The following CCR5AS variants were observed in gnomAD, a reference collection of about 807,000 sequenced individuals.
CCR5AS encodes CCR5 antisense RNA.
chr3:46,373,554 C>T, intron 2 of CCR5AS: 1 of 1,613,052 alleles, frequency 6.2e-7, no homozygotes, highest in Non-Finnish European at 8.5e-7. Context: ...CTCGGGAATC[C>T]TAAAAACTCT....
chr3:46,387,833 G>A (rs1363942784), intron 2 of CCR5AS, among the ~76,000 whole-genome samples: 1 of 152,148 alleles, frequency 6.6e-6, no homozygotes, highest in Admixed American at 6.5e-5. Context: ...ATTTGTGTAG[G>A]TAGTGGAAAA....
At chr3:46,368,274 G>A (rs1194029746) in intron 3 of CCR5AS, among the ~76,000 whole-genome samples, 1 of 152,192 alleles carries the variant, frequency 6.6e-6, no homozygotes, top group Admixed American at 6.5e-5. Context: ...TTCCTATGGG[G>A]TGTCCGAATG....
intron 3 of CCR5AS, among the ~76,000 whole-genome samples, chr3:46,366,758 A>C (rs531468632): frequency 6.6e-6 from 1 of 152,354 alleles, no homozygotes; most frequent in East Asian, 1.9e-4. Flanking sequence ...GGGTGTCATA[A>C]GACTCAAGTG....
intron 2 of CCR5AS, among the ~76,000 whole-genome samples, chr3:46,390,816 G>T (rs550361808): frequency 1.2e-4 from 19 of 152,306 alleles, no homozygotes; most frequent in Admixed American, 4.6e-4. Context: ...GCACCAGAGT[G>T]GGGGAGTTTT....
At chr3:46,401,161 A>AT (rs1201036904) in intron 1 of CCR5AS, among the ~76,000 whole-genome samples, 1 of 152,230 alleles carries the variant, frequency 6.6e-6, no homozygotes, top group Non-Finnish European at 1.5e-5. Context: ...TTGGCCAAAC[A>AT]TGACAGAATG....
chr3:46,389,450 A>T (rs1036286324), intron 2 of CCR5AS, among the ~76,000 whole-genome samples: 2 of 152,228 alleles, frequency 1.3e-5, no homozygotes, highest in African/African-American at 4.8e-5. Context: ...AGGTATCTTC[A>T]CATGGCTGGG....
chr3:46,368,303 G>A (rs547916512), intron 3 of CCR5AS, among the ~76,000 whole-genome samples: 1 of 152,214 alleles, frequency 6.6e-6, no homozygotes, highest in African/African-American at 2.4e-5. Context: ...AATAAAAAGA[G>A]AACAAGAGCC....
intron 1 of CCR5AS, among the ~76,000 whole-genome samples, chr3:46,399,531 G>A (rs1701988985): frequency 1.3e-5 from 2 of 152,136 alleles, no homozygotes; most frequent in South Asian, 2.1e-4. Context: ...TTTATTTAAG[G>A]GACAGATCTG....
At chr3:46,380,612 G>A (rs1218678350) in intron 2 of CCR5AS, among the ~76,000 whole-genome samples, 2 of 152,332 alleles carry the variant, frequency 1.3e-5, no homozygotes, top group African/African-American at 2.4e-5. Flanking sequence ...TCCAACAGCG[G>A]CATGTTTTGA....
At chr3:46,392,498 T>C (rs1701922092) in intron 2 of CCR5AS, among the ~76,000 whole-genome samples, 1 of 152,162 alleles carries the variant, frequency 6.6e-6, no homozygotes, top group African/African-American at 2.4e-5. Context: ...CCCTGGGCTG[T>C]CATGTGGGTT....
chr3:46,377,345 T>C (rs1701771892), intron 2 of CCR5AS, among the ~76,000 whole-genome samples: 1 of 152,192 alleles, frequency 6.6e-6, no homozygotes, highest in African/African-American at 2.4e-5. Context: ...GGGGTGAACG[T>C]ACCTTCTGTC....
chr3:46,379,025 A>C (rs796697026), intron 2 of CCR5AS, among the ~76,000 whole-genome samples: 1 of 95,092 alleles, frequency 1.1e-5, no homozygotes, highest in Non-Finnish European at 2.3e-5. Context: ...TTTTACTTCT[A>C]TTTTTTTTAT....
At chr3:46,380,588 G>T (rs1204085781) in intron 2 of CCR5AS, among the ~76,000 whole-genome samples, 1 of 152,158 alleles carries the variant, frequency 6.6e-6, no homozygotes, top group Non-Finnish European at 1.5e-5. Flanking sequence ...TGATGTCGTG[G>T]GTCTGGAGTG....
At chr3:46,381,339 T>C (rs1465677273) in intron 2 of CCR5AS, among the ~76,000 whole-genome samples, 2 of 152,222 alleles carry the variant, frequency 1.3e-5, no homozygotes, top group African/African-American at 4.8e-5. Flanking sequence ...GAAAGCATTA[T>C]TCCTGAAGAA....
chr3:46,376,166 A>T (rs943639762), intron 2 of CCR5AS: 1 of 166,900 alleles, frequency 6.0e-6, no homozygotes, highest in Non-Finnish European at 1.5e-5. Context: ...AAATTGCTTG[A>T]AAGAAAATAT....
At chr3:46,366,943 C>T (rs1701605551) in intron 3 of CCR5AS, among the ~76,000 whole-genome samples, 1 of 152,142 alleles carries the variant, frequency 6.6e-6, no homozygotes, top group Non-Finnish European at 1.5e-5. Context: ...ATCAGTGTGA[C>T]ACTGCTCACA....
At chr3:46,402,210 A>G (rs1702010858) in intron 1 of CCR5AS, among the ~76,000 whole-genome samples, 1 of 152,218 alleles carries the variant, frequency 6.6e-6, no homozygotes. Context: ...CTGTATTTCC[A>G]GGGTGGATTA....
rs560630023 is a variant in CCR5AS, at chr3:46,365,808, C to T, written n.566-763G>A. ...GAAAGTAGGACCCAATGTGACAGTTCCTGCCCAGTTCCCTCCTGTGGTAGC... is the reference window on the plus strand; with the variant it reads ...GAAAGTAGGACCCAATGTGACAGTTTCTGCCCAGTTCCCTCCTGTGGTAGC... On this transcript the variant is annotated intron_variant and non_coding_transcript_variant, in intron 3 of 3. Coordinates refer to ENST00000451485, the Ensembl canonical transcript of CCR5AS. Among the ~76,000 whole-genome samples the T allele has an allele frequency of 1.2e-3, 182 of 152,280 alleles. 1 individual carries two copies. The highest frequency in any genetic ancestry group is 3.8e-3 in the African/African-American group (157 of 41,548).
chr3:46,379,741 CA>C (rs1701799958), intron 2 of CCR5AS, among the ~76,000 whole-genome samples: 1 of 151,788 alleles, frequency 6.6e-6, no homozygotes, highest in Non-Finnish European at 1.5e-5. Flanking sequence ...ACTAAAAATA[CA>C]AAAAATTAGC....
Sources: allele counts gnomAD v4.1 joint callset (sites outside exome capture counted in the v4.1 genomes callset), GRCh38; gene constraint gnomAD v4.1.1; transcripts MANE v1.5; gene names NCBI Gene and HGNC (gene_info 2026-07-23, HGNC 2026-07-21).